The following UGT3A2 variants were observed in gnomAD, a reference collection of about 807,000 sequenced individuals.
The protein encoded by UGT3A2 is UDP glycosyltransferase family 3 member A2.
In UGT3A2, 32 loss-of-function variants were observed where a neutral mutation model predicts 39.8. That is an observed-to-expected ratio of 0.80 (90% confidence interval 0.61 to 1.08). The LOEUF is 1.08. Ranked by LOEUF, UGT3A2 falls within the 50% of genes least tolerant of loss-of-function variation. The pLI is 0.00. For synonymous variants in UGT3A2, 241 were observed against 230.7 expected (o/e 1.04, Z -0.40); for missense variants, 611 against 637.1 (o/e 0.96, Z 0.44).
chr5:36,042,834 T>C (rs1023598759), intron 4 of UGT3A2, among the ~76,000 whole-genome samples: 2 of 152,178 alleles, frequency 1.3e-5, no homozygotes, highest in African/African-American at 2.4e-5. Flanking sequence ...AGCAAGCACA[T>C]ATAACAATTA....
intron 6 of UGT3A2, among the ~76,000 whole-genome samples, chr5:36,037,484 C>T (rs1214461706): frequency 1.3e-5 from 2 of 152,108 alleles, no homozygotes; most frequent in African/African-American, 4.8e-5. Flanking sequence ...TCTCCTGCCT[C>T]AGTTGGAATC....
chr5:36,050,718 T>C (rs1477505244), intron 3 of UGT3A2, among the ~76,000 whole-genome samples: 1 of 152,044 alleles, frequency 6.6e-6, no homozygotes. Flanking sequence ...AAAAATTAGC[T>C]GGGCATGGTG....
rs2111696225 is a variant in UGT3A2, at chr5:36,039,727, G to A, written c.844-19C>T. The stretch of plus-strand genomic sequence containing the variant: ...CCAAGTCCTGGAGAAAGATTACCAA[G>A]GTAAAGAGGTGACAAAATTATTGGT... On this transcript the variant is annotated intron_variant, in intron 4 of 6. Transcript: ENST00000282507. The A allele has an allele frequency of 6.2e-7, 1 of 1,609,508 alleles. No homozygotes were observed. Among genetic ancestry groups the A allele is most frequent in the Non-Finnish European group, 8.5e-7 (1 of 1,176,460 alleles).
rs530832324 is a variant in UGT3A2 at position 36,035,616 on chromosome 5, G to A, written c.*82C>T. 3.8e-5 allele frequency: 59 copies of A among 1,537,504 alleles called. No individual in the cohort carries two copies. In the African/African-American group the frequency reaches 6.1e-4, roughly 16 times the overall value. On this transcript the variant is annotated 3_prime_UTR_variant, in exon 7 of 7. Coordinates refer to ENST00000282507, the MANE Select transcript of UGT3A2 (RefSeq NM_174914.4). The stretch of plus-strand genomic sequence containing the variant: ...GAGATAACTAGAAGGACTAGAGAAT[G>A]GGGCTGCCAGAACTAGTGGGAAGCT...
intron 2 of UGT3A2, among the ~76,000 whole-genome samples, chr5:36,052,560 T>C (rs649945): frequency 0.93 from 140,549 of 151,786 alleles, 65,418 homozygotes; most frequent in Non-Finnish European, 0.97. Context: ...GTAAGAAAAC[T>C]CACACACACC....
chr5:36,047,164 C>T (rs1457839149), intron 4 of UGT3A2, among the ~76,000 whole-genome samples: 1 of 152,216 alleles, frequency 6.6e-6, no homozygotes, highest in East Asian at 1.9e-4. Context: ...GACCTAGAAT[C>T]CCCTTCTCCG....
rs538434763 is a variant in UGT3A2 at position 36,038,296 on chromosome 5, C to T, written c.1076-280G>A. On this transcript the variant is annotated intron_variant, in intron 5 of 6. Transcript: ENST00000282507. ...AGAGTGCTAAGCAAGGCATACATCT[C>T]TCTGTCCATCCATTCTTCCTTCTCT... 1.6e-3 allele frequency among the ~76,000 whole-genome samples: 245 copies of T among 152,350 alleles called. 1 individual carries two copies. Among genetic ancestry groups the T allele is most frequent in the African/African-American group, 5.7e-3 (236 of 41,580 alleles).
intron 4 of UGT3A2, among the ~76,000 whole-genome samples, chr5:36,045,600 C>CA (rs201945740): frequency 0.071 from 6,341 of 88,928 alleles, 192 homozygotes; most frequent in East Asian, 0.17. Context: ...TCCTCAGTCT[C>CA]AAAAAAAAAA....
chr5:36,052,201 C>G (rs1020302097), intron 2 of UGT3A2, among the ~76,000 whole-genome samples: 1 of 152,144 alleles, frequency 6.6e-6, no homozygotes, highest in African/African-American at 2.4e-5. Context: ...TCATTGCAGT[C>G]TCAGCTCCCT....
At chr5:36,064,485 T>C in intron 1 of UGT3A2, 135 bp from the exon 2 acceptor site, 1 of 781,836 alleles carries the variant, frequency 1.3e-6, no homozygotes, top group East Asian at 2.7e-5. Context: ...TTTGCCAGTC[T>C]CCTCATGTCC....
At chr5:36,045,500 G>A (rs1742139702) in intron 4 of UGT3A2, among the ~76,000 whole-genome samples, 1 of 151,790 alleles carries the variant, frequency 6.6e-6, no homozygotes, top group South Asian at 2.1e-4. Context: ...GGCTGAGGCA[G>A]GAGAATCGCT....
At chr5:36,060,117 C>G (rs1236953643) in intron 2 of UGT3A2, among the ~76,000 whole-genome samples, 1 of 152,228 alleles carries the variant, frequency 6.6e-6, no homozygotes, top group Non-Finnish European at 1.5e-5. Flanking sequence ...CAGGGTCAGG[C>G]AAAGACCCCT....
intron 4 of UGT3A2, among the ~76,000 whole-genome samples, chr5:36,042,939 T>C (rs954607121): frequency 6.6e-6 from 1 of 151,920 alleles, no homozygotes; most frequent in African/African-American, 2.4e-5. Context: ...AAATAATAGA[T>C]GGAAAATGCA....
chr5:36,038,012 G>A lies in UGT3A2; in HGVS notation c.1080C>T (p.His360=), dbSNP rs1741886501. 6.3e-7 allele frequency: 1 copy of A among 1,589,468 alleles called. No individual in the cohort carries two copies. The highest frequency in any genetic ancestry group is 8.5e-7 in the Non-Finnish European group (1 of 1,171,704). The change falls in exon 6 of 7, where the codon CAC becomes CAT. Residue 360 remains histidine, a synonymous_variant. Transcript: ENST00000282507. ...GGGTGACAAACAGACGGATGCTTGGGTGAGCTGTTGTAAATAAGAAAGAGG... is the reference window on the plus strand; with the variant it reads ...GGGTGACAAACAGACGGATGCTTGGATGAGCTGTTGTAAATAAGAAAGAGG... ...DWLPQSDLLA[H]PSIRLFVTHG...
At chr5:36,060,415 C>G (rs1025761767) in intron 2 of UGT3A2, among the ~76,000 whole-genome samples, 1 of 152,144 alleles carries the variant, frequency 6.6e-6, no homozygotes, top group African/African-American at 2.4e-5. Flanking sequence ...AGGGCAGTCA[C>G]GCCCCAAGTG....
intron 3 of UGT3A2, among the ~76,000 whole-genome samples, chr5:36,050,671 G>A (rs1297998193): frequency 1.3e-5 from 2 of 152,182 alleles, no homozygotes; most frequent in African/African-American, 4.8e-5. Context: ...AGACCAGCCT[G>A]GCGAACATGG....
rs529551832 is a variant in UGT3A2 at position 36,059,399 on chromosome 5, T to C, written c.196+4850A>G. On this transcript the variant is annotated intron_variant, in intron 2 of 6. Coordinates refer to ENST00000282507, the MANE Select transcript of UGT3A2 (RefSeq NM_174914.4). The stretch of plus-strand genomic sequence containing the variant: ...TTTTTTTGGAGTTTGGTACATATCA[T>C]CTTTTTGTTATTTCAGGGTTTGAGA... Among the ~76,000 whole-genome samples the C allele has an allele frequency of 5.4e-5, 8 of 147,462 alleles. No homozygotes were observed. In the South Asian group the frequency reaches 1.7e-3, roughly 32 times the overall value.
At chr5:36,059,750 T>C (rs1292363853) in intron 2 of UGT3A2, among the ~76,000 whole-genome samples, 1 of 152,212 alleles carries the variant, frequency 6.6e-6, no homozygotes, top group Non-Finnish European at 1.5e-5. Context: ...AGAAGCTGAA[T>C]TGTAGCTTGT....
intron 4 of UGT3A2, among the ~76,000 whole-genome samples, chr5:36,046,860 G>A (rs1254028527): frequency 2.0e-5 from 3 of 152,202 alleles, no homozygotes; most frequent in African/African-American, 7.2e-5. Flanking sequence ...GGCCTGGACA[G>A]CTTATATCTT....
Sources: gnomAD v4.1 joint callset for allele counts (sites outside exome capture counted in the v4.1 genomes callset) on GRCh38, gnomAD v4.1.1 for gene constraint, MANE v1.5 for transcripts, NCBI Gene and HGNC (gene_info 2026-07-23, HGNC 2026-07-21) for gene names.